Variants in SH2D4B observed in about 807,000 individuals in gnomAD.
SH2D4B encodes SH2 domain-containing protein 4B.
A neutral mutation model predicts 61.5 loss-of-function variants in SH2D4B; 45 were observed. The ratio of observed to expected loss-of-function variants is 0.73; its 90% CI spans 0.58 to 0.94. The LOEUF (loss-of-function observed/expected upper bound fraction) is 0.94. Among genes scored for constraint, SH2D4B ranks in the 40% least tolerant of loss-of-function variants. The probability of loss-of-function intolerance (pLI) is 0.00; values close to 1 mark genes in which losing one functional copy is unlikely to be tolerated. For missense variants in SH2D4B, 572 were observed against 574.2 expected, an observed-to-expected ratio of 1.00 and a Z score of 0.04; for synonymous variants, 224 against 220.4, an observed-to-expected ratio of 1.02 and a Z score of -0.14.
At position 80,623,205 on chromosome 10, in the gene SH2D4B, G is replaced by A. The variant is rs536741890; in HGVS notation, c.989-11080G>A. On this transcript the variant is annotated intron_variant, in intron 6 of 7. Coordinates refer to ENST00000646907, the MANE Select transcript of SH2D4B (RefSeq NM_001388272.1). ...GCTGGGATTACAGGCGTGAGCCGCCGTGCCTGGCCGAAACTGGATAATTGA... is the reference window on the plus strand; with the variant it reads ...GCTGGGATTACAGGCGTGAGCCGCCATGCCTGGCCGAAACTGGATAATTGA... Among the ~76,000 whole-genome samples, 20 of 152,354 alleles carry A rather than the reference G, an allele frequency of 1.3e-4. No homozygotes were observed. The East Asian group carries it at 3.9e-3, about 29-fold the overall frequency.
rs558478123 is a variant in SH2D4B, at chr10:80,582,698, GACTA to G, written c.496-5927_496-5924del. On this transcript the variant is annotated intron_variant, in intron 3 of 7. Transcript: ENST00000646907. ...CACCTGCCCTTACCATTCCTGGGGG[GACTA>G]ACTATTTCTGGCCACTCCTGAGGGG... Among the ~76,000 whole-genome samples, 113 of 152,280 alleles carry G rather than the reference GACTA, an allele frequency of 7.4e-4. 1 individual carries two copies. Among genetic ancestry groups the G allele is most frequent in the Admixed American group, 3.0e-3 (46 of 15,298 alleles).
At chr10:80,599,796 C>T (rs531172362) in intron 4 of SH2D4B, among the ~76,000 whole-genome samples, 70 of 152,250 alleles carry the variant, frequency 4.6e-4, no homozygotes, top group Admixed American at 1.7e-3. Context: ...TCCAGCAGGC[C>T]GAGTCACAAA....
At chr10:80,580,843 T>G (rs778025433) in intron 3 of SH2D4B, among the ~76,000 whole-genome samples, 15 of 152,178 alleles carry the variant, frequency 9.9e-5, no homozygotes, top group Non-Finnish European at 1.5e-4. Flanking sequence ...CAGAGGGCTT[T>G]GGGCAGCCAG....
intron 6 of SH2D4B, among the ~76,000 whole-genome samples, chr10:80,617,207 G>T (rs58028281): frequency 0.14 from 21,366 of 152,172 alleles, 2,165 homozygotes; most frequent in African/African-American, 0.28. Flanking sequence ...TCCTTTCTAG[G>T]CCAGGTGGTC....
intron 7 of SH2D4B, among the ~76,000 whole-genome samples, chr10:80,642,775 G>A (rs1840329249): frequency 6.6e-6 from 1 of 152,182 alleles, no homozygotes; most frequent in Non-Finnish European, 1.5e-5. Context: ...ATTTCTCTAG[G>A]ATGGGTCCTG....
At chr10:80,546,384 CTTGGGTT>C (rs1841681054) in intron 1 of SH2D4B, among the ~76,000 whole-genome samples, 1 of 151,932 alleles carries the variant, frequency 6.6e-6, no homozygotes, top group African/African-American at 2.4e-5. Flanking sequence ...AGGATTTGAA[CTTGGGTT>C]TTAGCCTGAC....
intron 4 of SH2D4B, among the ~76,000 whole-genome samples, chr10:80,599,151 G>C (rs1234644538): frequency 6.6e-6 from 1 of 152,126 alleles, no homozygotes; most frequent in Non-Finnish European, 1.5e-5. Flanking sequence ...GCGCACCAGA[G>C]TCGGGGTCAG....
chr10:80,629,752 A>G lies in SH2D4B; in HGVS notation c.989-4533A>G, dbSNP rs144207604. Among the ~76,000 whole-genome samples the G allele has an allele frequency of 2.5e-3, 375 of 152,330 alleles. 1 individual carries two copies. The highest frequency in any genetic ancestry group is 8.0e-3 in the African/African-American group (332 of 41,576). ...GCTAAACGTATTCATGCATTAACTT[A>G]TTCATTCTCAAACAGCCGTAAGACA... On this transcript the variant is annotated intron_variant, in intron 6 of 7. Transcript: ENST00000646907.
At chr10:80,567,074 T>C (rs1273986291) in intron 1 of SH2D4B, among the ~76,000 whole-genome samples, 2 of 152,234 alleles carry the variant, frequency 1.3e-5, no homozygotes, top group East Asian at 1.9e-4. Context: ...ATATTTCTTC[T>C]GTGTGGCTTG....
intron 1 of SH2D4B, among the ~76,000 whole-genome samples, chr10:80,565,904 C>T (rs1017884366): frequency 5.9e-5 from 9 of 151,818 alleles, no homozygotes; most frequent in Non-Finnish European, 8.8e-5. Flanking sequence ...TCCTGGCTAA[C>T]ACGGTGAAAC....
intron 1 of SH2D4B, among the ~76,000 whole-genome samples, chr10:80,545,407 C>T (rs996726139): frequency 2.0e-5 from 3 of 151,292 alleles, no homozygotes; most frequent in African/African-American, 7.4e-5. Context: ...TCCTCTTTCT[C>T]TTACTTTCTG....
intron 6 of SH2D4B, among the ~76,000 whole-genome samples, chr10:80,611,790 T>C (rs1842604039): frequency 6.6e-6 from 1 of 151,266 alleles, no homozygotes; most frequent in African/African-American, 2.5e-5. Flanking sequence ...TTTTGACTTT[T>C]TTTTTTTTTA....
intron 6 of SH2D4B, among the ~76,000 whole-genome samples, chr10:80,623,163 C>G (rs189552267): frequency 3.9e-5 from 6 of 152,376 alleles, no homozygotes; most frequent in African/African-American, 1.4e-4. Flanking sequence ...AATCCGCCTG[C>G]CTCGGCCTCC....
chr10:80,599,703 C>T (rs1221958816), intron 4 of SH2D4B, among the ~76,000 whole-genome samples: 1 of 152,110 alleles, frequency 6.6e-6, no homozygotes, highest in East Asian at 1.9e-4. Flanking sequence ...GAGCCCTTTC[C>T]CTTGGCCCAA....
At chr10:80,627,870 C>T (rs1165995315) in intron 6 of SH2D4B, among the ~76,000 whole-genome samples, 3 of 152,126 alleles carry the variant, frequency 2.0e-5, no homozygotes, top group Non-Finnish European at 4.4e-5. Flanking sequence ...TTACCATTGT[C>T]TGGGAATGAG....
intron 4 of SH2D4B, among the ~76,000 whole-genome samples, chr10:80,596,391 G>C (rs1842385842): frequency 6.6e-6 from 1 of 152,244 alleles, no homozygotes; most frequent in Admixed American, 6.5e-5. Flanking sequence ...GCCGAGAACA[G>C]CCTCATAGCA....
intron 3 of SH2D4B, among the ~76,000 whole-genome samples, chr10:80,581,149 G>A (rs954251391): frequency 6.6e-6 from 1 of 152,186 alleles, no homozygotes; most frequent in Non-Finnish European, 1.5e-5. Context: ...ATGGGCGGTT[G>A]CTGTAGGCCT....
In SH2D4B at chr10:80,538,456, G is replaced by T; in HGVS notation, c.125G>T (p.Arg42Leu). The T allele has an allele frequency of 6.7e-7, 1 of 1,482,728 alleles. No individual in the cohort carries two copies. The highest frequency in any genetic ancestry group is 9.0e-7 in the Non-Finnish European group (1 of 1,115,078). The allele number at this position is 1,482,728 out of a possible 1,614,324, so 91.8% of individuals were successfully genotyped here. Residue 42 changes from arginine to leucine, a missense_variant, in exon 1 of 8, where the codon CGG (arginine) becomes CTG (leucine). By Grantham distance (102) the Arg-to-Leu change is moderately radical. Coordinates refer to ENST00000646907, the MANE Select transcript of SH2D4B (RefSeq NM_001388272.1). The surrounding 1 kb of genome is among the most constrained non-coding windows in gnomAD (Gnocchi z 4.8). Reference sequence around the variant, plus strand: ...GAGCAGCTGAGGCGCTGGAAGGAGCGGGAGACTTGGGAGGCCCTGGCCCAG... The same window carrying T: ...GAGCAGCTGAGGCGCTGGAAGGAGCTGGAGACTTGGGAGGCCCTGGCCCAG... ...REEQLRRWKE[R>L]ETWEALAQDE...
chr10:80,641,278 C>T (rs916127046), intron 7 of SH2D4B, among the ~76,000 whole-genome samples: 11 of 152,270 alleles, frequency 7.2e-5, no homozygotes, highest in African/African-American at 2.7e-4. Context: ...GGCAGTCTGT[C>T]TGTTCTCAGA....
Sources: allele counts gnomAD v4.1 joint callset (sites outside exome capture counted in the v4.1 genomes callset), GRCh38; gene constraint gnomAD v4.1.1; non-coding constraint Gnocchi (gnomAD v3.1); transcripts MANE v1.5; gene names NCBI Gene and HGNC (gene_info 2026-07-23, HGNC 2026-07-21).